SND1: variants seen among roughly 807,000 people sequenced by gnomAD.
SND1 encodes staphylococcal nuclease and tudor domain containing 1.
In SND1, 38 loss-of-function variants were observed where a neutral mutation model predicts 121.7. The ratio of observed to expected loss-of-function variants is 0.31; its 90% confidence interval spans 0.24 to 0.41. The LOEUF (loss-of-function observed/expected upper bound fraction) is 0.41, where lower values mean the gene tolerates loss of function less well. Ranked by LOEUF, SND1 falls within the 10% of genes least tolerant of loss-of-function variation. The pLI is 1.00. For missense variants in SND1, 868 were observed against 1,184.6 expected (o/e 0.73, Z 3.92); for synonymous variants, 401 against 447.4 (o/e 0.90, Z 1.31).
intron 10 of SND1, among the ~76,000 whole-genome samples, chr7:127,750,698 G>T (rs1010816890): frequency 6.6e-6 from 1 of 152,138 alleles, no homozygotes; most frequent in Non-Finnish European, 1.5e-5. Flanking sequence ...CGTGTGTCAT[G>T]TCGATGCCCA....
intron 15 of SND1, among the ~76,000 whole-genome samples, chr7:127,954,275 T>A (rs1163107134): frequency 2.6e-5 from 4 of 152,194 alleles, no homozygotes; most frequent in Middle Eastern, 6.3e-3. Context: ...TGTATGGAGA[T>A]GCTGTACTAA....
intron 2 of SND1, among the ~76,000 whole-genome samples, chr7:127,693,128 A>T (rs1365246765): frequency 8.5e-5 from 13 of 152,288 alleles, no homozygotes; most frequent in Non-Finnish European, 1.2e-4. Flanking sequence ...ATGTTTTTGG[A>T]GTAAGTTGAT....
chr7:127,852,221 G>A (rs1292769762), intron 12 of SND1, among the ~76,000 whole-genome samples: 3 of 151,644 alleles, frequency 2.0e-5, no homozygotes, highest in Non-Finnish European at 4.4e-5. Context: ...AATCCTGGGC[G>A]AGATGGCTCA....
chr7:127,694,104 C>T (rs1325971070), intron 2 of SND1, among the ~76,000 whole-genome samples: 1 of 152,124 alleles, frequency 6.6e-6, no homozygotes, highest in African/African-American at 2.4e-5. Context: ...TGGTGTCCTC[C>T]CAAGGATGTT....
chr7:127,889,751 A>G (rs1336018414), intron 13 of SND1, among the ~76,000 whole-genome samples: 1 of 152,072 alleles, frequency 6.6e-6, no homozygotes, highest in South Asian at 2.1e-4. Context: ...TTTAGATCTC[A>G]CATATAAGTC....
chr7:128,084,889 C>T (rs373160532), intron 19 of SND1, 42 bp downstream of exon 19: 21 of 1,564,436 alleles, frequency 1.3e-5, no homozygotes, highest in South Asian at 6.9e-5. Flanking sequence ...TGAGCAGGAA[C>T]GATAGCAGGG....
chr7:127,904,070 C>T (rs1004848873), intron 13 of SND1, among the ~76,000 whole-genome samples: 4 of 152,130 alleles, frequency 2.6e-5, no homozygotes, highest in African/African-American at 7.2e-5. Flanking sequence ...CCTAGTGAGG[C>T]GTAGGCTTCT....
chr7:127,797,004 T>C (rs377615234), intron 10 of SND1, among the ~76,000 whole-genome samples: 15 of 147,768 alleles, frequency 1.0e-4, no homozygotes, highest in African/African-American at 3.7e-4. Flanking sequence ...GCGATTCTCC[T>C]ATCTCAGCCT....
chr7:127,900,879 A>G (rs191782528), intron 13 of SND1, among the ~76,000 whole-genome samples: 6 of 152,304 alleles, frequency 3.9e-5, no homozygotes, highest in East Asian at 1.9e-4. Context: ...GGAGTAGGCT[A>G]TGTTCTGCCC....
At chr7:127,997,166 T>G (rs577104387) in intron 16 of SND1, among the ~76,000 whole-genome samples, 3 of 152,356 alleles carry the variant, frequency 2.0e-5, no homozygotes, top group African/African-American at 7.2e-5. Flanking sequence ...GAGCTAATGG[T>G]AAGACATATA....
Position 128,089,529 on chromosome 7 carries a change from A to G in SND1, c.2459A>G (p.Asp820Gly), listed in dbSNP as rs1465976394. 1 of 1,614,184 alleles carries G rather than the reference A, an allele frequency of 6.2e-7. No individual in the cohort carries two copies. The highest frequency in any genetic ancestry group is 1.7e-5 in the Admixed American group (1 of 60,024). ...RTDAVDSVVR[D>G]IQNTQCLLNV... Reference sequence around the variant, plus strand: ...GACGCCGTGGACAGCGTAGTTCGGGATATCCAGAACACTCAGTGCCTGCTC... The same window carrying G: ...GACGCCGTGGACAGCGTAGTTCGGGGTATCCAGAACACTCAGTGCCTGCTC... The change falls in exon 22 of 24, where the codon GAT becomes GGT. Residue 820 changes from aspartate (D) to glycine (G), a missense_variant. Around this residue, in one of 2 missense-constraint regions of SND1, gnomAD observed 743 missense variants for 1,071.3 expected, o/e 0.69. Coordinates refer to ENST00000354725, the MANE Select transcript of SND1 (RefSeq NM_014390.4).
intron 12 of SND1, among the ~76,000 whole-genome samples, chr7:127,865,702 A>C (rs35154268): frequency 0.21 from 32,218 of 151,382 alleles, 4,003 homozygotes; most frequent in Middle Eastern, 0.32. Context: ...GGCAGCCTTG[A>C]CCTCCTGGAT....
At chr7:127,964,778 C>T (rs1801818632) in intron 15 of SND1, among the ~76,000 whole-genome samples, 1 of 135,934 alleles carries the variant, frequency 7.4e-6, no homozygotes, top group African/African-American at 3.0e-5. Flanking sequence ...GTAGTTTTTT[C>T]CAATTCTGTG....
chr7:127,774,434 A>G (rs1049322243), intron 10 of SND1, among the ~76,000 whole-genome samples: 5 of 152,344 alleles, frequency 3.3e-5, no homozygotes, highest in East Asian at 1.9e-4. Context: ...TATAAAGTCT[A>G]TCGTAGTGTA....
chr7:127,874,217 T>C (rs970973208), intron 12 of SND1, among the ~76,000 whole-genome samples: 1 of 152,186 alleles, frequency 6.6e-6, no homozygotes, highest in Non-Finnish European at 1.5e-5. Flanking sequence ...GGTAGTCATC[T>C]GATGATTTTC....
intron 1 of SND1, among the ~76,000 whole-genome samples, chr7:127,670,211 A>T (rs1795492050): frequency 6.6e-6 from 1 of 151,552 alleles, no homozygotes; most frequent in East Asian, 1.9e-4. Context: ...CTGGTCTCGA[A>T]CTCCTGATCT....
At chr7:127,901,528 C>G (rs1461284000) in intron 13 of SND1, among the ~76,000 whole-genome samples, 1 of 152,116 alleles carries the variant, frequency 6.6e-6, no homozygotes, top group Non-Finnish European at 1.5e-5. Context: ...GAAAGGAGAC[C>G]TGTGCTGCCG....
In SND1 at chr7:127,929,345, T is replaced by C; in HGVS notation, c.1669+16T>C. ...TTGCTTGCAGGTAAGTCTTATGTGT[T>C]ACATGTTACTCTGAGCTCAGAAGTC... On this transcript the variant is annotated intron_variant, in intron 15 of 23. Transcript: ENST00000354725. The C allele has an allele frequency of 6.2e-7, 1 of 1,613,642 alleles. No homozygotes were observed. Among genetic ancestry groups the C allele is most frequent in the Non-Finnish European group, 8.5e-7 (1 of 1,179,592 alleles).
At chr7:127,936,017 C>CTGTCACGGTTCCTGCACCCCTGTA (rs1432085143) in intron 15 of SND1, among the ~76,000 whole-genome samples, 2 of 152,198 alleles carry the variant, frequency 1.3e-5, no homozygotes, top group East Asian at 3.8e-4. Flanking sequence ...GCTGGCTGTT[C>CTGTCACGGTTCCTGCACCCCTGTA]TGTCACGGTT....
Sources: gnomAD v4.1 joint callset for allele counts (sites outside exome capture counted in the v4.1 genomes callset) on GRCh38, gnomAD v4.1.1 for gene constraint, gnomAD v4.1.1 regional missense constraint, MANE v1.5 for transcripts, NCBI Gene and HGNC (gene_info 2026-07-23, HGNC 2026-07-21) for gene names.